Variants in TMTC2 observed in about 807,000 individuals in gnomAD.
The protein encoded by TMTC2 is transmembrane O-mannosyltransferase targeting cadherins 2.
Under a neutral mutation model 82.4 loss-of-function variants are expected in TMTC2, and 43 were observed. That is an observed-to-expected ratio of 0.52 (90% confidence interval 0.41 to 0.67). The LOEUF (loss-of-function observed/expected upper bound fraction) is 0.67, where lower values mean the gene tolerates loss of function less well. Among genes scored for constraint, TMTC2 ranks in the 30% least tolerant of loss-of-function variants. The probability of loss-of-function intolerance (pLI) is 0.00; values close to 1 mark genes in which losing one functional copy is unlikely to be tolerated. For synonymous variants in TMTC2, 408 were observed against 381.9 expected (o/e 1.07, Z -0.80); for missense variants, 919 against 1,012.4 (o/e 0.91, Z 1.25).
chr12:82,843,863 A>G (rs889734993), intron 1 of TMTC2, among the ~76,000 whole-genome samples: 2 of 152,094 alleles, frequency 1.3e-5, no homozygotes, highest in Admixed American at 6.5e-5. Flanking sequence ...TACGAGAATC[A>G]CTTGAACCCA....
At chr12:82,843,476 T>G (rs1870457133) in intron 1 of TMTC2, among the ~76,000 whole-genome samples, 1 of 152,190 alleles carries the variant, frequency 6.6e-6, no homozygotes, top group South Asian at 2.1e-4. Context: ...TGAGTACATT[T>G]TGTAAAATGT....
At chr12:82,810,240 G>A (rs1360020798) in intron 1 of TMTC2, among the ~76,000 whole-genome samples, 2 of 151,444 alleles carry the variant, frequency 1.3e-5, no homozygotes, top group East Asian at 1.9e-4. Flanking sequence ...GTCAAAGGAA[G>A]CTTATACTGA....
intron 4 of TMTC2, among the ~76,000 whole-genome samples, chr12:82,964,286 C>G (rs999475756): frequency 3.3e-5 from 5 of 151,886 alleles, no homozygotes; most frequent in Non-Finnish European, 7.4e-5. Flanking sequence ...TGATTTCATT[C>G]GGTCATGAGG....
At chr12:83,093,332 G>GA (rs1011091605) in intron 11 of TMTC2, among the ~76,000 whole-genome samples, 6 of 152,148 alleles carry the variant, frequency 3.9e-5, no homozygotes, top group African/African-American at 1.4e-4. Flanking sequence ...GACCAAAAAA[G>GA]AAAAAAGAAC....
chr12:82,867,859 G>T (rs904172210), intron 2 of TMTC2, among the ~76,000 whole-genome samples: 1 of 152,068 alleles, frequency 6.6e-6, no homozygotes, highest in Non-Finnish European at 1.5e-5. Context: ...ATTTAATATT[G>T]TGAAAAGAAC....
At chr12:82,976,685 A>G (rs907884062) in intron 7 of TMTC2, among the ~76,000 whole-genome samples, 1 of 152,182 alleles carries the variant, frequency 6.6e-6, no homozygotes, top group African/African-American at 2.4e-5. Context: ...ATTGGGATGG[A>G]GATACAAAAG....
At chr12:82,764,998 G>A (rs1288240616) in intron 1 of TMTC2, among the ~76,000 whole-genome samples, 1 of 151,610 alleles carries the variant, frequency 6.6e-6, no homozygotes, top group Non-Finnish European at 1.5e-5. Flanking sequence ...CACCTGTAAA[G>A]GTAAGCTATC....
At chr12:83,016,099 T>C (rs1880665804) in intron 8 of TMTC2, among the ~76,000 whole-genome samples, 1 of 152,208 alleles carries the variant, frequency 6.6e-6, no homozygotes, top group East Asian at 1.9e-4. Context: ...TGGCAGGAAG[T>C]AGAAATCTGA....
intron 1 of TMTC2, among the ~76,000 whole-genome samples, chr12:82,822,824 G>T (rs946656718): frequency 1.3e-5 from 2 of 152,072 alleles, no homozygotes; most frequent in Admixed American, 1.3e-4. Context: ...TTTGTGCTTC[G>T]TATAGCTGGG....
At chr12:83,117,629 G>A (rs61929900) in intron 11 of TMTC2, among the ~76,000 whole-genome samples, 5,391 of 152,168 alleles carry the variant, frequency 0.035, 152 homozygotes, top group South Asian at 0.1. Context: ...TCTTGCTTTG[G>A]CTATGTGGGC....
At chr12:82,877,108 A>C (rs1328396045) in intron 2 of TMTC2, among the ~76,000 whole-genome samples, 5 of 152,134 alleles carry the variant, frequency 3.3e-5, no homozygotes, top group Non-Finnish European at 7.4e-5. Flanking sequence ...ATGAAAGTGA[A>C]TACTGTAATA....
intron 7 of TMTC2, among the ~76,000 whole-genome samples, chr12:82,971,683 T>C (rs1878451422): frequency 6.6e-6 from 1 of 152,080 alleles, no homozygotes; most frequent in Non-Finnish European, 1.5e-5. Flanking sequence ...GCAATTTACA[T>C]CATTTCATCA....
intron 1 of TMTC2, among the ~76,000 whole-genome samples, chr12:82,837,150 C>T (rs903773908): frequency 2.0e-5 from 3 of 152,134 alleles, no homozygotes; most frequent in African/African-American, 7.2e-5. Flanking sequence ...ACATATGGTC[C>T]ACTTTGTCAT....
chr12:82,899,814 G>A (rs1873894705), intron 3 of TMTC2, among the ~76,000 whole-genome samples: 1 of 134,198 alleles, frequency 7.5e-6, no homozygotes, highest in Non-Finnish European at 1.5e-5. Context: ...TATATATCCG[G>A]AATATAGATA....
intron 8 of TMTC2, among the ~76,000 whole-genome samples, chr12:83,024,652 T>C (rs1881084081): frequency 6.6e-6 from 1 of 152,212 alleles, no homozygotes; most frequent in Admixed American, 6.5e-5. Context: ...GGTTTGTTCT[T>C]GATTTTGTTC....
At chr12:82,729,995 C>G (rs1350824891) in intron 1 of TMTC2, among the ~76,000 whole-genome samples, 1 of 152,196 alleles carries the variant, frequency 6.6e-6, no homozygotes, top group Admixed American at 6.5e-5. Context: ...CCTGAGCCAG[C>G]GAGACCACGA....
Position 83,073,007 on chromosome 12 carries a change from T to C in TMTC2, c.2331+11176T>C, listed in dbSNP as rs550541596. ...TCTATGTTAATGTTGAAATGTGAGG[T>C]ACCATTGCATTCATAGTGCTCTTTG... On this transcript the variant is annotated intron_variant, in intron 11 of 11. Transcript: ENST00000321196. 6.4e-4 allele frequency among the ~76,000 whole-genome samples: 97 copies of C among 152,208 alleles called. 2 individuals are homozygous for C. The South Asian group carries it at 0.02, about 31-fold the overall frequency.
At chr12:82,964,970 GT>G in intron 4 of TMTC2, 53 bp from the exon 5 acceptor site, 1 of 1,314,290 alleles carries the variant, frequency 7.6e-7, no homozygotes. Context: ...AAAATTTGTG[GT>G]TTTATATATA....
intron 1 of TMTC2, among the ~76,000 whole-genome samples, chr12:82,767,354 G>A (rs1416822609): frequency 6.6e-6 from 1 of 152,204 alleles, no homozygotes; most frequent in Non-Finnish European, 1.5e-5. Flanking sequence ...AGAGGCCAAG[G>A]CTAAGGATTG....
Sources: allele counts gnomAD v4.1 joint callset (sites outside exome capture counted in the v4.1 genomes callset), GRCh38; gene constraint gnomAD v4.1.1; transcripts MANE v1.5; gene names NCBI Gene and HGNC (gene_info 2026-07-23, HGNC 2026-07-21).